The following DOCK9 variants were observed in gnomAD, a reference collection of about 807,000 sequenced individuals.
DOCK9 encodes dedicator of cytokinesis protein 9.
DOCK9 carries 89 observed loss-of-function variants against 263.3 expected under a neutral mutation model. The observed-to-expected ratio is 0.34, with a 90% confidence interval of 0.28 to 0.40. The LOEUF (loss-of-function observed/expected upper bound fraction) is 0.40, where lower values mean the gene tolerates loss of function less well. Among genes scored for constraint, DOCK9 ranks in the 10% least tolerant of loss-of-function variants. The pLI, the probability that DOCK9 is intolerant of heterozygous loss-of-function variation, is 1.00. For synonymous variants in DOCK9, 976 were observed against 973.1 expected (o/e 1.00, Z -0.06); for missense variants, 2,140 against 2,603.4 (o/e 0.82, Z 3.87).
chr13:98,812,718 A>T (rs1232972297), intron 45 of DOCK9, among the ~76,000 whole-genome samples: 120 of 151,426 alleles, frequency 7.9e-4, no homozygotes, highest in South Asian at 4.5e-3. Flanking sequence ...GAATATTAAA[A>T]TATGTGGGCT....
intron 2 of DOCK9, among the ~76,000 whole-genome samples, chr13:98,945,914 G>C (rs2056637417): frequency 6.6e-6 from 1 of 152,192 alleles, no homozygotes. Flanking sequence ...GGCCAAAGAG[G>C]GGTGGAGCTG....
chr13:98,955,593 T>G, intron 1 of DOCK9, 42 bp from the exon 2 acceptor site: 1 of 1,347,568 alleles, frequency 7.4e-7, no homozygotes, highest in Non-Finnish European at 1.0e-6. Flanking sequence ...CATACACAAA[T>G]GCCATTTCTT....
At chr13:99,004,784 GACACACACACAC>G (rs10533387) in intron 1 of DOCK9, among the ~76,000 whole-genome samples, 341 of 148,138 alleles carry the variant, frequency 2.3e-3, no homozygotes, top group African/African-American at 7.8e-3. Context: ...AAAAACTATA[GACACACACACAC>G]ACACACACAC....
At chr13:98,889,507 T>C (rs988808114) in intron 15 of DOCK9, among the ~76,000 whole-genome samples, 4 of 152,210 alleles carry the variant, frequency 2.6e-5, no homozygotes, top group African/African-American at 9.6e-5. Context: ...ATTGTTGTAT[T>C]AATATTTGTT....
intron 18 of DOCK9, 21 bp downstream of exon 18, chr13:98,888,137 A>G: frequency 3.3e-6 from 5 of 1,534,906 alleles, no homozygotes; most frequent in Non-Finnish European, 4.4e-6. Flanking sequence ...GTAGGTGAAC[A>G]TATATTAAAA....
chr13:98,797,527 G>A (rs1389096870), intron 50 of DOCK9, 38 bp from the exon 51 acceptor site: 1 of 1,542,164 alleles, frequency 6.5e-7, no homozygotes, highest in Non-Finnish European at 8.9e-7. Context: ...CCACTAGGAA[G>A]AAAATCACCA....
In DOCK9 at chr13:98,894,957, C is replaced by CAAAAAA. The variant is rs71114557; in HGVS notation, c.1709+2525_1709+2530dup. 9.5e-5 allele frequency among the ~76,000 whole-genome samples: 7 copies of CAAAAAA among 73,388 alleles called. No individual in the cohort carries two copies. The East Asian group carries it at 2.1e-3, about 22-fold the overall frequency. 48.1% of individuals were successfully genotyped at this position (73,388 alleles called of 152,430 possible). A position where few individuals can be genotyped will look rare whatever the true frequency, so the allele number is the denominator to read the frequency against. On this transcript the variant is annotated intron_variant, in intron 15 of 52. Transcript: ENST00000682017. ...GATATTTAGTATCTCTACTAAAATA[C>CAAAAAA]AAAAAAAAAAAAAAAAAAAAAAAAA...
Position 98,850,054 on chromosome 13 carries a change from T to C in DOCK9, c.4006A>G (p.Ile1336Val), listed in dbSNP as rs746195122. The C allele has an allele frequency of 6.4e-7, 1 of 1,566,940 alleles. No individual in the cohort carries two copies. Among genetic ancestry groups the C allele is most frequent in the South Asian group, 1.2e-5 (1 of 83,492 alleles). The change falls in exon 36 of 53, where the codon ATA becomes GTA. Residue 1336 changes from isoleucine (I) to valine (V), a missense_variant. By Grantham distance (29) the Ile-to-Val change is conservative (BLOSUM62 3). This residue lies in a region of DOCK9 where 1,521 missense variants were observed against 1,741.7 expected (regional missense o/e 0.87). Coordinates refer to ENST00000682017, the MANE Select transcript of DOCK9 (RefSeq NM_001366683.2). Reference protein sequence around the residue: ...STSELMDFFTISEVCLHQFQY... With the variant: ...STSELMDFFTVSEVCLHQFQY... ...AAAGAGAAAGCTACTTACTCAGATA[T>C]TGTAAAAAAATCCATAAGTTCAGAT... is the stretch of plus-strand genomic sequence containing the variant.
chr13:98,841,473 A>C (rs1280853578), intron 38 of DOCK9, among the ~76,000 whole-genome samples: 4 of 152,222 alleles, frequency 2.6e-5, no homozygotes, highest in African/African-American at 9.6e-5. Flanking sequence ...AAGAAATACC[A>C]ATCAATGACA....
intron 1 of DOCK9, among the ~76,000 whole-genome samples, chr13:99,010,230 T>C (rs952717543): frequency 2.0e-5 from 3 of 152,198 alleles, no homozygotes; most frequent in Non-Finnish European, 2.9e-5. Context: ...AAACAGAACA[T>C]GTTGAGAATA....
intron 27 of DOCK9, among the ~76,000 whole-genome samples, chr13:98,878,761 C>T (rs1402962214): frequency 1.3e-5 from 2 of 152,214 alleles, no homozygotes; most frequent in Non-Finnish European, 2.9e-5. Flanking sequence ...ACCACCTGGC[C>T]AGGCCCAGTG....
intron 1 of DOCK9, among the ~76,000 whole-genome samples, chr13:99,081,793 G>T (rs990390706): frequency 6.6e-6 from 1 of 152,318 alleles, no homozygotes; most frequent in East Asian, 1.9e-4. Flanking sequence ...CTGAGTTCGC[G>T]TACGTTTTGA....
chr13:98,955,056 G>A (rs1480100756), intron 2 of DOCK9, among the ~76,000 whole-genome samples: 6 of 152,126 alleles, frequency 3.9e-5, no homozygotes, highest in African/African-American at 1.2e-4. Flanking sequence ...AGTGGCTCAT[G>A]CCTATAATCC....
intron 1 of DOCK9, among the ~76,000 whole-genome samples, chr13:99,026,076 C>CAAAAAAAA (rs1219581602): frequency 3.7e-5 from 1 of 27,226 alleles, no homozygotes; most frequent in African/African-American, 1.2e-4. Context: ...GACTCCGTCT[C>CAAAAAAAA]AAAAAAAAAA....
chr13:98,960,541 G>A (rs776212761), intron 1 of DOCK9, among the ~76,000 whole-genome samples: 6 of 152,142 alleles, frequency 3.9e-5, no homozygotes, highest in African/African-American at 9.7e-5. Context: ...GGGAGAGGGC[G>A]TACTTTCAGT....
intron 2 of DOCK9, 111 bp downstream of exon 2, chr13:98,955,324 A>T (rs1018757507): frequency 1.4e-4 from 106 of 739,386 alleles, no homozygotes; most frequent in Middle Eastern, 4.3e-4. Flanking sequence ...GTCTCAAAAA[A>T]AATAATAATA....
intron 1 of DOCK9, among the ~76,000 whole-genome samples, chr13:98,972,271 C>T (rs1743226955): frequency 6.6e-6 from 1 of 152,154 alleles, no homozygotes; most frequent in African/African-American, 2.4e-5. Flanking sequence ...TAAGTAGTGG[C>T]TATTTTTATT....
intron 41 of DOCK9, 32 bp downstream of exon 41, chr13:98,831,316 A>C (rs1402578752): frequency 1.0e-5 from 16 of 1,570,808 alleles, no homozygotes; most frequent in Non-Finnish European, 1.3e-5. Flanking sequence ...TCTACAGAGT[A>C]AATCTGTATT....
intron 25 of DOCK9, 22 bp from the exon 26 acceptor site, chr13:98,880,694 A>C: frequency 1.2e-6 from 2 of 1,609,574 alleles, no homozygotes; most frequent in African/African-American, 1.3e-5. Flanking sequence ...AGAGAAAGAG[A>C]CTTTAATGCA....
Sources: allele counts gnomAD v4.1 joint callset (sites outside exome capture counted in the v4.1 genomes callset), GRCh38; gene constraint gnomAD v4.1.1; regional missense constraint gnomAD v4.1.1; transcripts MANE v1.5; gene names NCBI Gene and HGNC (gene_info 2026-07-23, HGNC 2026-07-21).